CNTRL: variants seen among roughly 807,000 people sequenced by gnomAD.
CNTRL encodes centriolin, also known as 110 kDa centrosomal protein.
In CNTRL, 233 loss-of-function variants were observed where a neutral mutation model predicts 303.7. That is an observed-to-expected ratio of 0.77 (90% CI 0.69 to 0.86). The LOEUF (loss-of-function observed/expected upper bound fraction) is 0.86, where lower values mean the gene tolerates loss of function less well. Ranked by LOEUF, CNTRL falls within the 40% of genes least tolerant of loss-of-function variation. The probability of loss-of-function intolerance (pLI) is 0.00; values close to 1 mark genes in which losing one functional copy is unlikely to be tolerated. For synonymous variants in CNTRL, 900 were observed against 922.2 expected, an observed-to-expected ratio of 0.98 and a Z score of 0.44; for missense variants, 2,524 against 2,650.6, an observed-to-expected ratio of 0.95 and a Z score of 1.05.
Position 121,150,280 on chromosome 9 carries a change from TCTC to T in CNTRL, c.3763_3765del (p.Pro1255del). 1 of 1,614,148 alleles carries T rather than the reference TCTC, an allele frequency of 6.2e-7. No homozygotes were observed. Among genetic ancestry groups the T allele is most frequent in the Non-Finnish European group, 8.5e-7 (1 of 1,180,010 alleles). Reference sequence around the variant, plus strand: ...GATGTATACTGTGCTTCCTGATGGTTCTCCTGTACCCCAGGGCATGGCCCTGTA... The same window carrying T: ...GATGTATACTGTGCTTCCTGATGGTTCTGTACCCCAGGGCATGGCCCTGTA... On this transcript the variant is annotated inframe_deletion, in exon 25 of 44. Coordinates refer to ENST00000373855, the MANE Select transcript of CNTRL (RefSeq NM_007018.6).
intron 24 of CNTRL, 90 bp downstream of exon 24, chr9:121,148,951 A>C: frequency 8.4e-7 from 1 of 1,192,246 alleles, no homozygotes. Context: ...CACAATCCAG[A>C]CTCCTTAGCT....
At chr9:121,124,868 C>T (rs1032469807) in intron 13 of CNTRL, among the ~76,000 whole-genome samples, 2 of 149,696 alleles carry the variant, frequency 1.3e-5, no homozygotes, top group African/African-American at 4.9e-5. Flanking sequence ...CACCTGAGCT[C>T]AGGGAGGTTG....
At chr9:121,168,064 TTAATGAC>T in intron 37 of CNTRL, 25 bp from the exon 38 acceptor site, 1 of 1,574,906 alleles carries the variant, frequency 6.3e-7, no homozygotes, top group Non-Finnish European at 8.7e-7. Context: ...TATTTGTTGT[TTAATGAC>T]TAATCAAGAT....
rs1412872343 is a variant in CNTRL at position 121,148,820 on chromosome 9, C to T, written c.3608C>T (p.Ser1203Phe). 6.2e-7 allele frequency: 1 copy of T among 1,613,850 alleles called. No individual in the cohort carries two copies. Among genetic ancestry groups the T allele is most frequent in the Non-Finnish European group, 8.5e-7 (1 of 1,180,000 alleles). ...PPPASGYWVY[S>F]PIRSGLHKLF... is the part of the protein sequence containing the mutation. ...CCTGCCTCAGGATACTGGGTTTATT[C>T]TCCCATCAGGAGTGGGTTACATAAA... Residue 1203 changes from serine to phenylalanine, a missense_variant, in exon 24 of 44, where the codon TCT becomes TTT. Physicochemically the swap from Ser to Phe is radical, Grantham distance 155. Transcript: ENST00000373855.
chr9:121,075,625 C>A (rs1376221449), intron 1 of CNTRL, among the ~76,000 whole-genome samples: 3 of 152,206 alleles, frequency 2.0e-5, no homozygotes, highest in Non-Finnish European at 4.4e-5. Flanking sequence ...CTCAATTCTG[C>A]CACCTTGTGT....
At chr9:121,138,020 T>C (rs990409928) in intron 15 of CNTRL, among the ~76,000 whole-genome samples, 3 of 152,196 alleles carry the variant, frequency 2.0e-5, no homozygotes, top group Non-Finnish European at 4.4e-5. Context: ...TCTGAAGATC[T>C]ACAGATCTCT....
chr9:121,153,982 G>T (rs1159377464), intron 26 of CNTRL, among the ~76,000 whole-genome samples: 1 of 152,090 alleles, frequency 6.6e-6, no homozygotes, highest in African/African-American at 2.4e-5. Context: ...TTTACTTTGA[G>T]GTATTTTGGA....
chr9:121,168,651 A>C (rs1357389748), intron 38 of CNTRL, among the ~76,000 whole-genome samples: 1 of 152,234 alleles, frequency 6.6e-6, no homozygotes, highest in East Asian at 1.9e-4. Context: ...GATCTACTTC[A>C]TCTCAAGTGT....
chr9:121,152,396 T>C (rs2052325792), intron 25 of CNTRL, 89 bp from the exon 26 acceptor site: 4 of 1,094,158 alleles, frequency 3.7e-6, no homozygotes, highest in Non-Finnish European at 5.5e-6. Context: ...GATACCACTT[T>C]AACCACAGTT....
At position 121,169,760 on chromosome 9, in the gene CNTRL, G is replaced by T. The variant is rs758244984; in HGVS notation, c.6220G>T (p.Ala2074Ser). 6.2e-7 allele frequency: 1 copy of T among 1,614,188 alleles called. No homozygotes were observed. The highest frequency in any genetic ancestry group is 8.5e-7 in the Non-Finnish European group (1 of 1,180,030). Residue 2074 changes from alanine to serine, a missense_variant, in exon 39 of 44, where the codon GCC becomes TCC. Transcript: ENST00000373855. ...AAGAAAGAAAGCTGAGAAGCAGGTG[G>T]CCAGCCTGAAGGAAGCACTTAAGAT... ...TERKKAEKQV[A>S]SLKEALKIQR...
In CNTRL at chr9:121,095,271, T is replaced by TA. The variant is rs543374119; in HGVS notation, c.479+255dup. On this transcript the variant is annotated intron_variant, in intron 5 of 43. Coordinates refer to ENST00000373855, the MANE Select transcript of CNTRL (RefSeq NM_007018.6). ...TATTTTTGAGCACCAAATTGTATCT[T>TA]AATTTCATTTCTGACAGGAAGTTTT... is the stretch of plus-strand genomic sequence containing the variant. Among the ~76,000 whole-genome samples, 262 of 152,352 alleles carry TA rather than the reference T, an allele frequency of 1.7e-3. 3 individuals carry two copies. The highest frequency in any genetic ancestry group is 6.8e-3 in the Middle Eastern group (2 of 294).
intron 4 of CNTRL, among the ~76,000 whole-genome samples, chr9:121,092,742 C>CTA (rs370933462): frequency 0.067 from 837 of 12,434 alleles, 271 homozygotes; most frequent in African/African-American, 0.13. Flanking sequence ...TAATATATAT[C>CTA]TATATATAAT....
rs372549895 is a variant in CNTRL, at chr9:121,099,290, G to C, written c.808+718G>C. Among the ~76,000 whole-genome samples, 13 of 152,078 alleles carry C rather than the reference G, an allele frequency of 8.5e-5. No homozygotes were observed. In the South Asian group the frequency reaches 2.5e-3, roughly 29 times the overall value. On this transcript the variant is annotated intron_variant, in intron 7 of 43. Coordinates refer to ENST00000373855, the MANE Select transcript of CNTRL (RefSeq NM_007018.6). ...CCACTGGTGATACCCAGGCAAACAG[G>C]GTCTGGAGTGGACCTCCAGCGAACT...
chr9:121,143,957 C>G lies in CNTRL; in HGVS notation c.2926C>G (p.Leu976Val). ...GCAAGTTTTTGGTTTAGATAAAGAACTGAAGAAACTAAAGAAAGCCGTGGC... is the reference window on the plus strand; with the variant it reads ...GCAAGTTTTTGGTTTAGATAAAGAAGTGAAGAAACTAAAGAAAGCCGTGGC... ...QEQVFGLDKE[L>V]KKLKKAVATS... is the part of the protein sequence containing the mutation. The change falls in exon 20 of 44, where the codon CTG becomes GTG. Residue 976 changes from leucine to valine, a missense_variant. Coordinates refer to ENST00000373855, the MANE Select transcript of CNTRL (RefSeq NM_007018.6). The G allele has an allele frequency of 2.5e-6, 4 of 1,613,130 alleles. No individual in the cohort carries two copies. Among genetic ancestry groups the G allele is most frequent in the Non-Finnish European group, 3.4e-6 (4 of 1,179,664 alleles).
chr9:121,127,525 C>A lies in CNTRL; in HGVS notation c.2025+1589C>A, dbSNP rs184528182. On this transcript the variant is annotated intron_variant, in intron 14 of 43. Transcript: ENST00000373855. ...TTTTAAAGCTTATATTTTGAAATAA[C>A]TCCAAACTTGCAGGAAAGTTGCAAG... is the stretch of plus-strand genomic sequence containing the variant. Among the ~76,000 whole-genome samples, 363 of 152,084 alleles carry A rather than the reference C, an allele frequency of 2.4e-3. 7 individuals are homozygous for A. The South Asian group carries it at 0.028, about 12-fold the overall frequency.
chr9:121,162,268 A>G lies in CNTRL; in HGVS notation c.5420A>G (p.Lys1807Arg), dbSNP rs140745627. Residue 1807 changes from lysine (K) to arginine (R), a missense_variant, in exon 34 of 44, where the codon AAA becomes AGA. Coordinates refer to ENST00000373855, the MANE Select transcript of CNTRL (RefSeq NM_007018.6). ...TGGGAAAAAAAGTTGGCACAAACCA[A>G]AAGGTGAGAGCAAGAACAAATAAGC... Reference protein sequence around the residue: ...DIWEKKLAQTKRVLAAAEENS... With the variant: ...DIWEKKLAQTRRVLAAAEENS... 2.9e-4 allele frequency: 466 copies of G among 1,612,668 alleles called. 1 individual carries two copies. Among genetic ancestry groups the G allele is most frequent in the Admixed American group, 9.8e-4 (59 of 60,030 alleles).
intron 19 of CNTRL, among the ~76,000 whole-genome samples, chr9:121,143,157 A>G (rs1220393418): frequency 3.3e-5 from 5 of 152,044 alleles, no homozygotes; most frequent in Admixed American, 2.6e-4. Context: ...ACACCTTCTC[A>G]TTCCTCACAC....
intron 7 of CNTRL, among the ~76,000 whole-genome samples, chr9:121,098,894 G>C (rs1037732676): frequency 6.6e-6 from 1 of 152,086 alleles, no homozygotes; most frequent in Admixed American, 6.5e-5. Context: ...ATGGCTTTCT[G>C]AGGGAGTGAC....
chr9:121,075,636 A>G (rs1201669936), intron 1 of CNTRL, among the ~76,000 whole-genome samples: 2 of 152,198 alleles, frequency 1.3e-5, no homozygotes, highest in African/African-American at 4.8e-5. Flanking sequence ...CACCTTGTGT[A>G]ACTTAACCAG....
Sources: allele counts gnomAD v4.1 joint callset (sites outside exome capture counted in the v4.1 genomes callset), GRCh38; gene constraint gnomAD v4.1.1; transcripts MANE v1.5; gene names NCBI Gene and HGNC (gene_info 2026-07-23, HGNC 2026-07-21).